The following HS6ST3 variants were observed in gnomAD, a reference collection of about 807,000 sequenced individuals.
HS6ST3 encodes heparan-sulfate 6-O-sulfotransferase 3.
A neutral mutation model predicts 36.7 loss-of-function variants in HS6ST3; 12 were observed. That is an observed-to-expected ratio of 0.33 (90% CI 0.21 to 0.53). The LOEUF (loss-of-function observed/expected upper bound fraction) is 0.53. Ranked by LOEUF, HS6ST3 falls within the 20% of genes least tolerant of loss-of-function variation. HS6ST3 has a pLI of 0.95. For synonymous variants in HS6ST3, 240 were observed against 257.5 expected (o/e 0.93, Z 0.65); for missense variants, 584 against 640.9 (o/e 0.91, Z 0.96).
At position 96,683,667 on chromosome 13, in the gene HS6ST3, C is replaced by G. The variant is rs1874675390; in HGVS notation, c.708-148823C>G. Among the ~76,000 whole-genome samples the G allele has an allele frequency of 2.0e-5, 3 of 152,028 alleles. No homozygotes were observed. The South Asian group carries it at 6.2e-4, about 32-fold the overall frequency. Reference sequence around the variant, plus strand: ...CAGTTCTGGAAGAATAGTGTCTCATCATATGTTTACTTTCTATTGATATTA... The same window carrying G: ...CAGTTCTGGAAGAATAGTGTCTCATGATATGTTTACTTTCTATTGATATTA... On this transcript the variant is annotated intron_variant, in intron 1 of 1. Transcript: ENST00000376705.
At chr13:96,224,833 A>G (rs1277960568) in intron 1 of HS6ST3, among the ~76,000 whole-genome samples, 1 of 152,212 alleles carries the variant, frequency 6.6e-6, no homozygotes. Context: ...AGAATCTCAC[A>G]TTCTCTAAAA....
At chr13:96,452,822 C>A (rs539266489) in intron 1 of HS6ST3, among the ~76,000 whole-genome samples, 23 of 152,054 alleles carry the variant, frequency 1.5e-4, no homozygotes, top group Non-Finnish European at 3.1e-4. Context: ...ATTTCCCCCC[C>A]AGGGTGGGTT....
intron 1 of HS6ST3, among the ~76,000 whole-genome samples, chr13:96,682,089 A>G (rs1010086217): frequency 1.3e-5 from 2 of 152,100 alleles, no homozygotes; most frequent in African/African-American, 4.8e-5. Context: ...GGGAGCTAAT[A>G]AAACACAATT....
chr13:96,361,906 A>G (rs760905131), intron 1 of HS6ST3, among the ~76,000 whole-genome samples: 1 of 152,152 alleles, frequency 6.6e-6, no homozygotes, highest in Non-Finnish European at 1.5e-5. Flanking sequence ...GTGGTTCTCA[A>G]TGTGTGACTC....
At chr13:96,163,005 C>A (rs2054143155) in intron 1 of HS6ST3, among the ~76,000 whole-genome samples, 1 of 151,716 alleles carries the variant, frequency 6.6e-6, no homozygotes, top group Admixed American at 6.6e-5. Flanking sequence ...AATCTGATAA[C>A]AACAAATATG....
intron 1 of HS6ST3, among the ~76,000 whole-genome samples, chr13:96,329,111 G>C (rs1469440567): frequency 6.8e-6 from 1 of 146,754 alleles, no homozygotes; most frequent in Non-Finnish European, 1.5e-5. Context: ...TATCAATTTT[G>C]TTGATCCTTT....
chr13:96,332,436 A>G (rs2055076107), intron 1 of HS6ST3, among the ~76,000 whole-genome samples: 1 of 152,186 alleles, frequency 6.6e-6, no homozygotes, highest in Non-Finnish European at 1.5e-5. Flanking sequence ...AAACTCTAAC[A>G]ATCTGTTGAA....
At chr13:96,494,732 CG>C (rs1167518557) in intron 1 of HS6ST3, among the ~76,000 whole-genome samples, 1 of 151,940 alleles carries the variant, frequency 6.6e-6, no homozygotes, top group Non-Finnish European at 1.5e-5. Flanking sequence ...CCTTTCAGCA[CG>C]TCTTCGGTAT....
At chr13:96,549,418 C>G (rs1298140862) in intron 1 of HS6ST3, among the ~76,000 whole-genome samples, 2 of 152,080 alleles carry the variant, frequency 1.3e-5, no homozygotes, top group East Asian at 3.9e-4. Flanking sequence ...TATCAGAGAA[C>G]AGTAGATTGG....
chr13:96,447,640 A>T (rs1238652998), intron 1 of HS6ST3, among the ~76,000 whole-genome samples: 1 of 151,864 alleles, frequency 6.6e-6, no homozygotes, highest in Non-Finnish European at 1.5e-5. Context: ...GTAGAACATC[A>T]TGGTGCCCTG....
intron 1 of HS6ST3, among the ~76,000 whole-genome samples, chr13:96,582,019 A>G (rs1461122625): frequency 6.6e-6 from 1 of 152,224 alleles, no homozygotes; most frequent in East Asian, 1.9e-4. Context: ...AACATTTTCT[A>G]TTCAACTCCA....
At chr13:96,564,052 C>G (rs965443998) in intron 1 of HS6ST3, among the ~76,000 whole-genome samples, 2 of 152,124 alleles carry the variant, frequency 1.3e-5, no homozygotes, top group Non-Finnish European at 2.9e-5. Context: ...TTTTCAGTCC[C>G]CCTCAATAAG....
intron 1 of HS6ST3, among the ~76,000 whole-genome samples, chr13:96,492,860 C>T (rs2055953569): frequency 6.6e-6 from 1 of 152,174 alleles, no homozygotes; most frequent in South Asian, 2.1e-4. Flanking sequence ...AGAAGAGAGA[C>T]TGAATTCTCA....
chr13:96,306,506 C>T (rs563711841), intron 1 of HS6ST3, among the ~76,000 whole-genome samples: 137 of 152,226 alleles, frequency 9.0e-4, no homozygotes, highest in African/African-American at 3.2e-3. Context: ...TCACCGCACC[C>T]GGCTGGTTAA....
At chr13:96,632,786 G>C (rs1217813758) in intron 1 of HS6ST3, among the ~76,000 whole-genome samples, 3 of 152,152 alleles carry the variant, frequency 2.0e-5, no homozygotes, top group African/African-American at 7.2e-5. Context: ...GTTAGCATCA[G>C]CGATGGAACT....
chr13:96,512,882 T>TTTG (rs926287723), intron 1 of HS6ST3, among the ~76,000 whole-genome samples: 10 of 151,994 alleles, frequency 6.6e-5, no homozygotes, highest in African/African-American at 1.4e-4. Flanking sequence ...CTCTCATTTT[T>TTTG]TTGTTGTTGT....
rs185493251 is a variant in HS6ST3 at position 96,346,825 on chromosome 13, A to G, written c.707+255256A>G. Among the ~76,000 whole-genome samples the G allele has an allele frequency of 2.3e-3, 351 of 152,160 alleles. 4 individuals are homozygous for G. Among genetic ancestry groups the G allele is most frequent in the African/African-American group, 8.1e-3 (335 of 41,530 alleles). The stretch of plus-strand genomic sequence containing the variant: ...CTTTCCCCTTGAGTAACTTTCTTCT[A>G]GTATAGAATATGGTAGCATTGAGAG... On this transcript the variant is annotated intron_variant, in intron 1 of 1. Coordinates refer to ENST00000376705, the MANE Select transcript of HS6ST3 (RefSeq NM_153456.4).
chr13:96,492,564 G>T (rs982916432), intron 1 of HS6ST3, among the ~76,000 whole-genome samples: 5 of 152,214 alleles, frequency 3.3e-5, no homozygotes, highest in African/African-American at 4.8e-5. Context: ...AGTGTCTGCG[G>T]ATAGACAATC....
intron 1 of HS6ST3, among the ~76,000 whole-genome samples, chr13:96,129,465 G>T (rs1438193512): frequency 6.6e-6 from 1 of 152,174 alleles, no homozygotes; most frequent in Non-Finnish European, 1.5e-5. Flanking sequence ...TTCTGTTCTG[G>T]TTCTTGTGGT....
Sources: gnomAD v4.1 joint callset for allele counts (sites outside exome capture counted in the v4.1 genomes callset) on GRCh38, gnomAD v4.1.1 for gene constraint, MANE v1.5 for transcripts, NCBI Gene and HGNC (gene_info 2026-07-23, HGNC 2026-07-21) for gene names.